The following ARFGAP2 variants were observed in gnomAD, a reference collection of about 807,000 sequenced individuals.
ARFGAP2 encodes the protein ADP-ribosylation factor GTPase-activating protein 2.
A neutral mutation model predicts 71.9 loss-of-function variants in ARFGAP2; 45 were observed. That is an observed-to-expected ratio of 0.63 (90% CI 0.49 to 0.80). ARFGAP2 has a LOEUF of 0.80. Among genes scored for constraint, ARFGAP2 ranks in the 30% least tolerant of loss-of-function variants. The probability of loss-of-function intolerance (pLI) is 0.00; values close to 1 mark genes in which losing one functional copy is unlikely to be tolerated. For synonymous variants in ARFGAP2, 248 were observed against 249.2 expected (o/e 1.00, Z 0.05); for missense variants, 633 against 673.9 (o/e 0.94, Z 0.67).
intron 13 of ARFGAP2, 40 bp downstream of exon 13, chr11:47,166,720 G>A (rs1173021262): frequency 6.2e-7 from 1 of 1,604,838 alleles, no homozygotes; most frequent in African/African-American, 1.3e-5. Context: ...TCATGCTTCT[G>A]CCTGCTGCCT....
In ARFGAP2 at chr11:47,167,999, C is replaced by A; in HGVS notation, c.1115G>T (p.Arg372Leu). The A allele has an allele frequency of 1.2e-6, 2 of 1,614,172 alleles. No homozygotes were observed. The highest frequency in any genetic ancestry group is 1.7e-6 in the Non-Finnish European group (2 of 1,180,036). Reference protein sequence around the residue: ...PFSLGESFGSRWDTDAAWGMD... With the variant: ...PFSLGESFGSLWDTDAAWGMD... Reference sequence around the variant, plus strand: ...ACCCCAGGCAGCATCTGTATCCCAGCGGGAGCCAAAGCTTTCCCCTAAGGA... The same window carrying A: ...ACCCCAGGCAGCATCTGTATCCCAGAGGGAGCCAAAGCTTTCCCCTAAGGA... Residue 372 changes from arginine (R) to leucine (L), a missense_variant, in exon 12 of 16, where the codon CGC (arginine) becomes CTC (leucine). Transcript: ENST00000524782.
In ARFGAP2 at chr11:47,166,248, A is replaced by G. The variant is rs919779163; in HGVS notation, c.1545+20T>C. The G allele has an allele frequency of 1.2e-6, 2 of 1,611,676 alleles. No individual in the cohort carries two copies. Among genetic ancestry groups the G allele is most frequent in the African/African-American group, 2.7e-5 (2 of 74,956 alleles). Reference sequence around the variant, plus strand: ...GGCAAACCTCCCAGCACTCCTCATTAGGCCCCACTTCAGCCTCACCTGCAA... The same window carrying G: ...GGCAAACCTCCCAGCACTCCTCATTGGGCCCCACTTCAGCCTCACCTGCAA... On this transcript the variant is annotated intron_variant, in intron 15 of 15. Transcript: ENST00000524782.
chr11:47,165,512 A>AG lies in ARFGAP2; in HGVS notation c.1546-11dup. ...AGGAACCGTAGCGATCCTGGGGGCGAGGGGGGAGAAAAAAAAAAAAAAAGT... is the reference window on the plus strand; with the variant it reads ...AGGAACCGTAGCGATCCTGGGGGCGAGGGGGGGAGAAAAAAAAAAAAAAAGT... On this transcript the variant is annotated splice_polypyrimidine_tract_variant and intron_variant, in intron 15 of 15. Transcript: ENST00000524782. The AG allele has an allele frequency of 1.3e-6, 2 of 1,501,668 alleles. No homozygotes were observed. The highest frequency in any genetic ancestry group is 1.8e-6 in the Non-Finnish European group (2 of 1,130,262). 93.0% of individuals were successfully genotyped at this position (1,501,668 alleles called of 1,614,324 possible). A position where few individuals can be genotyped will look rare whatever the true frequency, so the allele number is the denominator to read the frequency against.
At position 47,165,521 on chromosome 11, in the gene ARFGAP2, A is replaced by G. The variant is rs200684004; in HGVS notation, c.1546-19T>C. On this transcript the variant is annotated intron_variant, in intron 15 of 15. Coordinates refer to ENST00000524782, the MANE Select transcript of ARFGAP2 (RefSeq NM_032389.6). The stretch of plus-strand genomic sequence containing the variant: ...AGCGATCCTGGGGGCGAGGGGGGAG[A>G]AAAAAAAAAAAAAAGTCAGAGGCTC... 1.4e-3 allele frequency: 176 copies of G among 127,274 alleles called. 1 individual carries two copies. Among genetic ancestry groups the G allele is most frequent in the African/African-American group, 3.1e-3 (31 of 9,876 alleles). The allele number at this position is 127,274 out of a possible 1,614,324, so 7.9% of individuals were successfully genotyped here.
At chr11:47,166,933 G>C in intron 12 of ARFGAP2, 47 bp from the exon 13 acceptor site, 1 of 1,592,486 alleles carries the variant, frequency 6.3e-7, no homozygotes, top group East Asian at 2.2e-5. Context: ...ATTATCATCA[G>C]GGGAGGCAGA....
chr11:47,173,750 T>C lies in ARFGAP2; in HGVS notation c.562+9A>G. 6.3e-7 allele frequency: 1 copy of C among 1,594,808 alleles called. No homozygotes were observed. The highest frequency in any genetic ancestry group is 1.3e-5 in the African/African-American group (1 of 74,594). The stretch of plus-strand genomic sequence containing the variant: ...CAGGGCACCTGGTTGGAATCTGGGC[T>C]GAACTCACGTGCCAGGCCACTGCTC... On this transcript the variant is annotated intron_variant, in intron 6 of 15. Coordinates refer to ENST00000524782, the MANE Select transcript of ARFGAP2 (RefSeq NM_032389.6).
intron 1 of ARFGAP2, 27 bp from the exon 2 acceptor site, chr11:47,176,661 C>G (rs1298471168): frequency 6.2e-7 from 1 of 1,613,202 alleles, no homozygotes; most frequent in South Asian, 1.1e-5. Flanking sequence ...ATGAGCGAAT[C>G]GTCAGGGGCC....
At chr11:47,166,684 G>C in intron 13 of ARFGAP2, 76 bp downstream of exon 13, 1 of 1,598,976 alleles carries the variant, frequency 6.3e-7, no homozygotes, top group South Asian at 1.1e-5. Context: ...TGGTGCTAAA[G>C]CCCAAAGCAG....
intron 5 of ARFGAP2, 58 bp from the exon 6 acceptor site, chr11:47,173,898 AC>A: frequency 6.4e-7 from 1 of 1,552,628 alleles, no homozygotes; most frequent in Non-Finnish European, 8.7e-7. Flanking sequence ...GGCAAGAAGC[AC>A]CAAGACCTAC....
intron 10 of ARFGAP2, chr11:47,169,277 G>C (rs1952505860): frequency 6.6e-6 from 1 of 151,774 alleles, no homozygotes; most frequent in African/African-American, 2.4e-5. Context: ...TCGCACCACT[G>C]CACTCCAGTC....
At chr11:47,173,685 C>T (rs1952682750) in intron 6 of ARFGAP2, 74 bp downstream of exon 6, 1 of 1,519,396 alleles carries the variant, frequency 6.6e-7, no homozygotes, top group Non-Finnish European at 8.9e-7. Context: ...ATTGTCATGG[C>T]CAGATGTCCC....
intron 5 of ARFGAP2, chr11:47,174,062 G>A (rs1195714820): frequency 1.0e-5 from 8 of 776,788 alleles, no homozygotes; most frequent in Non-Finnish European, 1.6e-5. Flanking sequence ...TAGAGCCAGA[G>A]CCCATTCTCC....
Position 47,166,345 on chromosome 11 carries a change from C to G in ARFGAP2, c.1468G>C (p.Ala490Pro). The G allele has an allele frequency of 6.2e-7, 1 of 1,614,242 alleles. No individual in the cohort carries two copies. Among genetic ancestry groups the G allele is most frequent in the Non-Finnish European group, 8.5e-7 (1 of 1,180,050 alleles). Residue 490 changes from alanine to proline, a missense_variant, in exon 15 of 16, where the codon GCC (alanine) becomes CCC (proline). Transcript: ENST00000524782. ...LGNVLPTADIAQFKQGVKSVA... is the reference protein window; with the variant it reads ...LGNVLPTADIPQFKQGVKSVA... ...GACTTGACACCCTGCTTAAACTGGG[C>G]AATGTCCGCTGTAGGCAGCACGTTC...
At position 47,167,554 on chromosome 11, in the gene ARFGAP2, C is replaced by A. The variant is rs544083042; in HGVS notation, c.1205+355G>T. Among the ~76,000 whole-genome samples the A allele has an allele frequency of 5.3e-5, 8 of 152,260 alleles. No individual in the cohort carries two copies. The South Asian group carries it at 1.5e-3, about 28-fold the overall frequency. Reference sequence around the variant, plus strand: ...GTCAGGACTGAAGCATACAATCAGGCTCCTCCGGCCAGAGAAATGGACCCC... The same window carrying A: ...GTCAGGACTGAAGCATACAATCAGGATCCTCCGGCCAGAGAAATGGACCCC... On this transcript the variant is annotated intron_variant, in intron 12 of 15. Transcript: ENST00000524782.
chr11:47,166,665 A>G, intron 13 of ARFGAP2, 66 bp from the exon 14 acceptor site: 13 of 1,602,036 alleles, frequency 8.1e-6, no homozygotes, highest in Non-Finnish European at 1.1e-5. Context: ...CACACAGGCC[A>G]GGCCCTCCTG....
chr11:47,169,496 A>G (rs1480247109), intron 10 of ARFGAP2: 1 of 152,110 alleles, frequency 6.6e-6, no homozygotes, highest in African/African-American at 2.4e-5. Context: ...ATTTGATTTA[A>G]ATCAATTCAT....
chr11:47,174,116 T>A (rs1439044893), intron 5 of ARFGAP2, among the ~76,000 whole-genome samples: 1 of 152,142 alleles, frequency 6.6e-6, no homozygotes, highest in Non-Finnish European at 1.5e-5. Flanking sequence ...CAGGCACAGA[T>A]CTAAAGGCTC....
intron 5 of ARFGAP2, among the ~76,000 whole-genome samples, chr11:47,174,160 C>A (rs1405277377): frequency 1.3e-5 from 2 of 152,148 alleles, no homozygotes. Context: ...ATCACTACAA[C>A]CCCTATGAAG....
chr11:47,172,097 G>A (rs1235203620), intron 8 of ARFGAP2, 184 bp downstream of exon 8: 3 of 758,614 alleles, frequency 4.0e-6, no homozygotes, highest in Non-Finnish European at 6.7e-6. Context: ...ACTCCTCCCA[G>A]CAGCCCTTGA....
Sources: gnomAD v4.1 joint callset for allele counts (sites outside exome capture counted in the v4.1 genomes callset) on GRCh38, gnomAD v4.1.1 for gene constraint, MANE v1.5 for transcripts, NCBI Gene and HGNC (gene_info 2026-07-23, HGNC 2026-07-21) for gene names.